NHEJ1: variants seen among roughly 807,000 people sequenced by gnomAD.
NHEJ1 encodes the protein non-homologous end joining factor 1, also known as non-homologous end-joining factor 1.
A neutral mutation model predicts 39.4 loss-of-function variants in NHEJ1; 22 were observed. The ratio of observed to expected loss-of-function variants is 0.56; its 90% CI spans 0.40 to 0.80. The LOEUF is 0.80. Ranked by LOEUF, NHEJ1 falls within the 30% of genes least tolerant of loss-of-function variation. The probability of loss-of-function intolerance (pLI) is 0.00; values close to 1 mark genes in which losing one functional copy is unlikely to be tolerated. For missense variants in NHEJ1, 329 were observed against 357.1 expected (o/e 0.92, Z 0.63); for synonymous variants, 154 against 135.6 (o/e 1.14, Z -0.94).
In NHEJ1 at chr2:219,074,866, G is replaced by C. The variant is rs140704354; in HGVS notation, c.*1515C>G. 6.6e-6 allele frequency among the ~76,000 whole-genome samples: 1 copy of C among 152,266 alleles called. No homozygotes were observed. Among genetic ancestry groups the C allele is most frequent in the Non-Finnish European group, 1.5e-5 (1 of 68,022 alleles). On this transcript the variant is annotated 3_prime_UTR_variant, in exon 8 of 8. Coordinates refer to ENST00000356853, the MANE Select transcript of NHEJ1 (RefSeq NM_024782.3). Reference sequence around the variant, plus strand: ...CACTCTAGGGTCCTGTGGTCTGGGGGTAAAGAAAAGTTATCAGCAGTGACT... The same window carrying C: ...CACTCTAGGGTCCTGTGGTCTGGGGCTAAAGAAAAGTTATCAGCAGTGACT...
intron 5 of NHEJ1, among the ~76,000 whole-genome samples, chr2:219,109,119 C>T (rs1302280253): frequency 1.3e-5 from 2 of 151,888 alleles, no homozygotes; most frequent in African/African-American, 4.8e-5. Flanking sequence ...CATTCTCAGA[C>T]AGAACAACAA....
intron 3 of NHEJ1, among the ~76,000 whole-genome samples, chr2:219,153,705 GGAGAGA>G (rs71040421): frequency 8.7e-6 from 1 of 114,832 alleles, no homozygotes; most frequent in South Asian, 3.0e-4. Flanking sequence ...GGGGGGGGGT[GGAGAGA>G]GAGAGAGAGA....
intron 5 of NHEJ1, among the ~76,000 whole-genome samples, chr2:219,114,416 G>A (rs1949391994): frequency 6.6e-6 from 1 of 152,176 alleles, no homozygotes; most frequent in Non-Finnish European, 1.5e-5. Context: ...TGCCTGGACT[G>A]ATTCCTTTTA....
At chr2:219,145,904 C>T (rs1386791641) in intron 5 of NHEJ1, among the ~76,000 whole-genome samples, 1 of 149,836 alleles carries the variant, frequency 6.7e-6, no homozygotes. Context: ...TGCACTCCAG[C>T]CTGGACAACA....
chr2:219,132,782 A>G (rs1949591175), intron 5 of NHEJ1, among the ~76,000 whole-genome samples: 1 of 152,158 alleles, frequency 6.6e-6, no homozygotes, highest in South Asian at 2.1e-4. Context: ...TATGAACCCC[A>G]GATCCCATCC....
chr2:219,153,695 G>C (rs191351945), intron 3 of NHEJ1, among the ~76,000 whole-genome samples: 350 of 102,936 alleles, frequency 3.4e-3, no homozygotes, highest in Middle Eastern at 0.015. Context: ...AAAGAAAAGG[G>C]GGGGGGGGTG....
At chr2:219,126,874 T>C (rs1366431448) in intron 5 of NHEJ1, among the ~76,000 whole-genome samples, 1 of 152,244 alleles carries the variant, frequency 6.6e-6, no homozygotes. Context: ...GAACGGCATG[T>C]GCCAAGGACT....
At chr2:219,092,667 C>T (rs979298295) in intron 5 of NHEJ1, among the ~76,000 whole-genome samples, 7 of 152,170 alleles carry the variant, frequency 4.6e-5, no homozygotes, top group Non-Finnish European at 8.8e-5. Context: ...AACTCACGAA[C>T]CCAGGGTAAA....
intron 3 of NHEJ1, 81 bp from the exon 4 acceptor site, chr2:219,147,876 C>T (rs954430930): frequency 5.6e-6 from 8 of 1,417,450 alleles, no homozygotes; most frequent in Non-Finnish European, 7.9e-6. Context: ...AGAAAAAATA[C>T]CGAAAAATAA....
rs570124532 is a variant in NHEJ1 at position 219,136,929 on chromosome 2, CT to C, written c.588+9750del. Reference sequence around the variant, plus strand: ...CATTTGTATTTTCTATATTGATTTCCTTTTTTTTCTCTCTCAAAATTTTAAC... The same window carrying C: ...CATTTGTATTTTCTATATTGATTTCCTTTTTTTCTCTCTCAAAATTTTAAC... On this transcript the variant is annotated intron_variant, in intron 5 of 7. Transcript: ENST00000356853. 3.2e-3 allele frequency among the ~76,000 whole-genome samples: 479 copies of C among 151,824 alleles called. 3 individuals are homozygous for C. Among genetic ancestry groups the C allele is most frequent in the Non-Finnish European group, 5.0e-3 (340 of 67,878 alleles).
chr2:219,103,644 T>C (rs990392692), intron 5 of NHEJ1, among the ~76,000 whole-genome samples: 3 of 152,192 alleles, frequency 2.0e-5, no homozygotes, highest in African/African-American at 7.2e-5. Flanking sequence ...ATTACACATA[T>C]AACTAATACT....
chr2:219,093,428 C>G (rs977223894), intron 5 of NHEJ1, among the ~76,000 whole-genome samples: 1 of 152,164 alleles, frequency 6.6e-6, no homozygotes, highest in Non-Finnish European at 1.5e-5. Flanking sequence ...CCTAAGCTAT[C>G]AGAGGTCCTC....
chr2:219,081,372 C>T (rs1949065756), intron 5 of NHEJ1, among the ~76,000 whole-genome samples: 1 of 152,104 alleles, frequency 6.6e-6, no homozygotes, highest in Non-Finnish European at 1.5e-5. Flanking sequence ...AAATAGTGCC[C>T]CCTGCTATAA....
At chr2:219,098,740 C>G (rs1949230429) in intron 5 of NHEJ1, among the ~76,000 whole-genome samples, 1 of 152,006 alleles carries the variant, frequency 6.6e-6, no homozygotes, top group South Asian at 2.1e-4. Flanking sequence ...TGCTTAAGCC[C>G]AGAAGTTCGA....
At chr2:219,112,683 C>A (rs901827253) in intron 5 of NHEJ1, among the ~76,000 whole-genome samples, 2 of 152,170 alleles carry the variant, frequency 1.3e-5, no homozygotes, top group African/African-American at 4.8e-5. Flanking sequence ...ATCAATACTA[C>A]TTCCCTGAAA....
intron 5 of NHEJ1, among the ~76,000 whole-genome samples, chr2:219,127,556 T>C (rs1260343426): frequency 6.6e-6 from 1 of 152,190 alleles, no homozygotes; most frequent in African/African-American, 2.4e-5. Context: ...ATTTCTTATC[T>C]CTTACTTAAA....
intron 5 of NHEJ1, among the ~76,000 whole-genome samples, chr2:219,142,210 G>GGAAGAGAAGA (rs55835935): frequency 6.6e-6 from 1 of 151,420 alleles, no homozygotes; most frequent in Non-Finnish European, 1.5e-5. Context: ...ACGACTGCAG[G>GGAAGAGAAGA]GAAGAGAAGA....
At chr2:219,129,906 T>G (rs1949561488) in intron 5 of NHEJ1, among the ~76,000 whole-genome samples, 2 of 152,114 alleles carry the variant, frequency 1.3e-5, no homozygotes, top group African/African-American at 4.8e-5. Context: ...CTGTTTTTAC[T>G]GCCGAGGTTT....
chr2:219,078,664 G>C (rs1949035767), intron 5 of NHEJ1, among the ~76,000 whole-genome samples: 1 of 152,194 alleles, frequency 6.6e-6, no homozygotes, highest in Non-Finnish European at 1.5e-5. Context: ...AAACAATTAT[G>C]GAGCTGTGAT....
Sources: allele counts gnomAD v4.1 joint callset (sites outside exome capture counted in the v4.1 genomes callset), GRCh38; gene constraint gnomAD v4.1.1; transcripts MANE v1.5; gene names NCBI Gene and HGNC (gene_info 2026-07-23, HGNC 2026-07-21).